MAP2: variants seen among roughly 807,000 people sequenced by gnomAD.
The protein encoded by MAP2 is microtubule-associated protein 2.
MAP2 carries 14 observed loss-of-function variants against 137.6 expected under a neutral mutation model. That is an observed-to-expected ratio of 0.10 (90% CI 0.07 to 0.16). MAP2 has a LOEUF of 0.16. Ranked by LOEUF, MAP2 falls within the 10% of genes least tolerant of loss-of-function variation. The pLI, the probability that MAP2 is intolerant of heterozygous loss-of-function variation, is 1.00. For missense variants in MAP2, 2,088 were observed against 2,191.5 expected (o/e 0.95, Z 0.94); for synonymous variants, 786 against 782.3 (o/e 1.00, Z -0.08).
intron 1 of MAP2, among the ~76,000 whole-genome samples, chr2:209,470,911 A>G (rs533443321): frequency 1.3e-5 from 2 of 152,296 alleles, no homozygotes; most frequent in African/African-American, 2.4e-5. Flanking sequence ...TGATTTTCCC[A>G]TATCTCCTGA....
At chr2:209,607,425 ATTTG>A (rs1262139420) in intron 3 of MAP2, among the ~76,000 whole-genome samples, 6 of 152,112 alleles carry the variant, frequency 3.9e-5, no homozygotes, top group African/African-American at 1.4e-4. Context: ...TTAATGTTTC[ATTTG>A]TTTGTTTGTT....
At chr2:209,506,060 AGTT>A (rs1487926245) in intron 1 of MAP2, among the ~76,000 whole-genome samples, 2 of 152,144 alleles carry the variant, frequency 1.3e-5, no homozygotes, top group African/African-American at 4.8e-5. Context: ...ACAGTTAGAG[AGTT>A]GTTGGCTTTA....
chr2:209,718,864 C>T (rs1239186713), intron 13 of MAP2, among the ~76,000 whole-genome samples: 3 of 152,086 alleles, frequency 2.0e-5, no homozygotes, highest in African/African-American at 7.2e-5. Context: ...AACCAGAGTG[C>T]AAAGTTTTTA....
intron 13 of MAP2, among the ~76,000 whole-genome samples, chr2:209,724,140 C>A (rs1487098728): frequency 6.6e-6 from 1 of 152,142 alleles, no homozygotes; most frequent in Non-Finnish European, 1.5e-5. Flanking sequence ...TTCAGTGGTT[C>A]ATTATTCATG....
intron 5 of MAP2, among the ~76,000 whole-genome samples, chr2:209,664,295 A>T (rs2045188758): frequency 6.6e-6 from 1 of 152,228 alleles, no homozygotes; most frequent in Non-Finnish European, 1.5e-5. Flanking sequence ...TGCGCCTGTA[A>T]TCCCAGCACT....
chr2:209,554,770 A>G (rs2070127170), intron 2 of MAP2, among the ~76,000 whole-genome samples: 1 of 151,836 alleles, frequency 6.6e-6, no homozygotes, highest in African/African-American at 2.4e-5. Flanking sequence ...AAAATTAAAA[A>G]ATAAAATAAA....
In MAP2 at chr2:209,653,252, C is replaced by T. The variant is rs1259044512; in HGVS notation, c.82C>T (p.Pro28Ser). ...AACAGAGGCATCTGCACACTCACAT[C>T]CACCTGAGATTAAGGATCAAGGCGG... is the stretch of plus-strand genomic sequence containing the variant. ...PLTEASAHSH[P>S]PEIKDQGGAG... is the part of the protein sequence containing the mutation. The change falls in exon 5 of 16, where the codon CCA becomes TCA. Residue 28 changes from proline to serine, a missense_variant. Around this residue, in one of 6 missense-constraint regions of MAP2, gnomAD observed 859 missense variants for 794.5 expected, o/e 1.08. Transcript: ENST00000682079. 2 of 1,614,120 alleles carry T rather than the reference C, an allele frequency of 1.2e-6. No individual in the cohort carries two copies. The highest frequency in any genetic ancestry group is 1.7e-5 in the Admixed American group (1 of 59,996).
chr2:209,564,658 G>A lies in MAP2; in HGVS notation c.-171-15378G>A, dbSNP rs550146958. ...TCCCCATAGATGGTGCTGGGGGGCAGTGCAGGTTCTTATTTCATAACCTGT... is the reference window on the plus strand; with the variant it reads ...TCCCCATAGATGGTGCTGGGGGGCAATGCAGGTTCTTATTTCATAACCTGT... On this transcript the variant is annotated intron_variant, in intron 2 of 15. Transcript: ENST00000682079. Among the ~76,000 whole-genome samples the A allele has an allele frequency of 2.1e-5, 3 of 145,944 alleles. No individual in the cohort carries two copies. In the South Asian group the frequency reaches 6.3e-4, roughly 31 times the overall value.
chr2:209,720,467 T>C (rs1422784326), intron 13 of MAP2, among the ~76,000 whole-genome samples: 1 of 151,852 alleles, frequency 6.6e-6, no homozygotes, highest in Non-Finnish European at 1.5e-5. Flanking sequence ...TGAAACTTCA[T>C]CTCTACTAAA....
rs934399690 is a variant in MAP2, at chr2:209,712,211, A to G, written c.5073+1957A>G. 1.8e-4 allele frequency among the ~76,000 whole-genome samples: 28 copies of G among 152,200 alleles called. No homozygotes were observed. The East Asian group carries it at 5.4e-3, about 29-fold the overall frequency. On this transcript the variant is annotated intron_variant, in intron 13 of 15. Coordinates refer to ENST00000682079, the MANE Select transcript of MAP2 (RefSeq NM_001375505.1). ...TGATTCTTTATCATATCTGGTTTGG[A>G]GTATTTTTATGTCTTATTGTAATTG...
Position 209,710,157 on chromosome 2 carries a change from A to C in MAP2, c.4976A>C (p.Gln1659Pro). 6.2e-7 allele frequency: 1 copy of C among 1,614,038 alleles called. No individual in the cohort carries two copies. The highest frequency in any genetic ancestry group is 8.5e-7 in the Non-Finnish European group (1 of 1,179,986). The change falls in exon 13 of 16, where the codon CAG becomes CCG. Residue 1659 changes from glutamine (Q) to proline (P), a missense_variant. Coordinates refer to ENST00000682079, the MANE Select transcript of MAP2 (RefSeq NM_001375505.1). Reference protein sequence around the residue: ...TPPKSPATPKQLRLINQPLPD... With the variant: ...TPPKSPATPKPLRLINQPLPD... ...CCAAAATCTCCTGCGACTCCCAAGC[A>C]GCTTCGGCTTATTAACCAACCACTG...
chr2:209,616,831 A>G (rs1283381196), intron 3 of MAP2, among the ~76,000 whole-genome samples: 2 of 152,214 alleles, frequency 1.3e-5, no homozygotes, highest in East Asian at 1.9e-4. Context: ...CCAGCCTGCC[A>G]TAAAGAACAC....
At chr2:209,596,245 G>A (rs1032890822) in intron 3 of MAP2, among the ~76,000 whole-genome samples, 8 of 152,102 alleles carry the variant, frequency 5.3e-5, no homozygotes, top group African/African-American at 9.7e-5. Context: ...AACCATTTGC[G>A]GATATGATAA....
chr2:209,621,282 A>G, intron 3 of MAP2, among the ~76,000 whole-genome samples: 1 of 120,914 alleles, frequency 8.3e-6, no homozygotes, highest in African/African-American at 4.0e-5. Context: ...TTTTTGAGAG[A>G]GAGTCTTGCT....
At chr2:209,452,067 A>G (rs1222502749) in intron 1 of MAP2, among the ~76,000 whole-genome samples, 1 of 152,226 alleles carries the variant, frequency 6.6e-6, no homozygotes, top group Non-Finnish European at 1.5e-5. Flanking sequence ...ATGTAGAACT[A>G]ATTGAGGACC....
At chr2:209,644,691 A>G (rs1376399535) in intron 4 of MAP2, among the ~76,000 whole-genome samples, 2 of 149,658 alleles carry the variant, frequency 1.3e-5, no homozygotes, top group Non-Finnish European at 3.0e-5. Context: ...AAAAAAAAAA[A>G]GACAATGAAA....
At chr2:209,618,135 C>T (rs1223027275) in intron 3 of MAP2, among the ~76,000 whole-genome samples, 1 of 151,752 alleles carries the variant, frequency 6.6e-6, no homozygotes, top group Non-Finnish European at 1.5e-5. Context: ...GTTGGGGAAT[C>T]GAAGAGTTCA....
chr2:209,559,074 G>A (rs1224742460), intron 2 of MAP2, among the ~76,000 whole-genome samples: 3 of 152,032 alleles, frequency 2.0e-5, no homozygotes, highest in African/African-American at 7.2e-5. Flanking sequence ...ACCTGAGTCT[G>A]TTACTATATT....
At position 209,695,414 on chromosome 2, in the gene MAP2, TCCAAAGCACCGCA is replaced by T. The variant is rs2059942848; in HGVS notation, c.3245_3257del (p.Ser1082TrpfsTer14). ...GGCTACACAGGACATGACCCCCTCA[TCCAAAGCACCGCA>T]GGAGGCAGATGCATTTATGGGTGTT... On this transcript the variant is annotated frameshift_variant, in exon 8 of 16. Transcript: ENST00000682079. LOFTEE classifies it high-confidence loss of function. The T allele has an allele frequency of 1.9e-6, 3 of 1,613,082 alleles. No individual in the cohort carries two copies. In the African/African-American group the frequency reaches 4.0e-5, roughly 22 times the overall value.
Sources: gnomAD v4.1 joint callset for allele counts (sites outside exome capture counted in the v4.1 genomes callset) on GRCh38, gnomAD v4.1.1 for gene constraint, gnomAD v4.1.1 regional missense constraint, MANE v1.5 for transcripts, NCBI Gene and HGNC (gene_info 2026-07-23, HGNC 2026-07-21) for gene names.